Variants in CLCA2 observed in about 807,000 individuals in gnomAD.
CLCA2 encodes chloride channel accessory 2.
In CLCA2, 85 loss-of-function variants were observed where a neutral mutation model predicts 82.9. The ratio of observed to expected loss-of-function variants is 1.03; its 90% CI spans 0.86 to 1.23. The LOEUF is 1.23. Among genes scored for constraint, CLCA2 ranks in the 50% most tolerant of loss-of-function variants. The probability of loss-of-function intolerance (pLI) is 0.00; values close to 1 mark genes in which losing one functional copy is unlikely to be tolerated. For missense variants in CLCA2, 1,089 were observed against 1,124.8 expected, an observed-to-expected ratio of 0.97 and a Z score of 0.45; for synonymous variants, 421 against 391.7, an observed-to-expected ratio of 1.07 and a Z score of -0.88.
intron 13 of CLCA2, among the ~76,000 whole-genome samples, chr1:86,454,410 T>G (rs1393239993): frequency 6.6e-6 from 1 of 152,196 alleles, no homozygotes; most frequent in African/African-American, 2.4e-5. Flanking sequence ...TTTTTTAGAC[T>G]TTATATGCTC....
At chr1:86,442,955 C>A (rs1357331368) in intron 9 of CLCA2, among the ~76,000 whole-genome samples, 1 of 152,080 alleles carries the variant, frequency 6.6e-6, no homozygotes, top group Non-Finnish European at 1.5e-5. Context: ...TAGCATGGGG[C>A]CAGGCATACG....
At chr1:86,434,394 G>C (rs1662557879) in intron 5 of CLCA2, 124 bp from the exon 6 acceptor site, 2 of 728,284 alleles carry the variant, frequency 2.7e-6, no homozygotes, top group East Asian at 5.4e-5. Flanking sequence ...GTATATCACT[G>C]TACCACTTTT....
intron 11 of CLCA2, among the ~76,000 whole-genome samples, chr1:86,450,160 T>C (rs1662933422): frequency 6.6e-6 from 1 of 152,238 alleles, no homozygotes; most frequent in South Asian, 2.1e-4. Context: ...AAAATGTGTA[T>C]ATGTGCATAT....
intron 3 of CLCA2, 137 bp downstream of exon 3, chr1:86,428,705 G>A (rs891643995): frequency 1.5e-5 from 14 of 918,474 alleles, no homozygotes; most frequent in Non-Finnish European, 2.1e-5. Flanking sequence ...TAGGTCATAT[G>A]CCCATGCAAA....
intron 3 of CLCA2, among the ~76,000 whole-genome samples, chr1:86,429,920 C>G (rs1450123306): frequency 1.3e-5 from 2 of 152,062 alleles, no homozygotes; most frequent in East Asian, 3.9e-4. Context: ...CTGATAATCT[C>G]TGCTCAAGCA....
chr1:86,438,919 T>G lies in CLCA2; in HGVS notation c.1016T>G (p.Leu339Trp). The change falls in exon 7 of 14, where the codon TTG becomes TGG. Residue 339 changes from leucine to tryptophan, a missense_variant. Transcript: ENST00000370565. ...LQLQQAAEFY[L>W]MQIVEIHTFV... ...CTACAACAAGCCGCAGAATTTTATTTGATGCAGATTGTTGAAATTCATACC... is the reference window on the plus strand; with the variant it reads ...CTACAACAAGCCGCAGAATTTTATTGGATGCAGATTGTTGAAATTCATACC... The G allele has an allele frequency of 1.2e-6, 2 of 1,614,142 alleles. No homozygotes were observed. Among genetic ancestry groups the G allele is most frequent in the Non-Finnish European group, 1.7e-6 (2 of 1,179,996 alleles).
Position 86,453,605 on chromosome 1 carries a change from A to T in CLCA2, c.2389+3A>T. The T allele has an allele frequency of 6.2e-7, 1 of 1,611,784 alleles. No homozygotes were observed. Among genetic ancestry groups the T allele is most frequent in the Non-Finnish European group, 8.5e-7 (1 of 1,178,596 alleles). ...AGAAGACTTTGATCAGGGCCAGGGTAGGTTTGCTCATTTCATTACCTATTT... is the reference window on the plus strand; with the variant it reads ...AGAAGACTTTGATCAGGGCCAGGGTTGGTTTGCTCATTTCATTACCTATTT... On this transcript the variant is annotated splice_donor_region_variant and intron_variant, in intron 13 of 13. Transcript: ENST00000370565.
chr1:86,431,747 T>C (rs1471502387), intron 4 of CLCA2, among the ~76,000 whole-genome samples: 1 of 152,218 alleles, frequency 6.6e-6, no homozygotes, highest in African/African-American at 2.4e-5. Flanking sequence ...ATGTCCTTCC[T>C]TGGGCTTCCC....
Position 86,440,225 on chromosome 1 carries a change from C to T in CLCA2, c.1281C>T (p.Gly427=), listed in dbSNP as rs1435235021. ...CCAGCGGAGATGATAAGCTTCTTGG[C>T]AATTGCTTACCCACTGTGCTCAGCA... The part of the protein sequence containing the change: ...LVTSGDDKLL[G]NCLPTVLSSG... The change falls in exon 8 of 14, where the codon GGC becomes GGT. Residue 427 remains glycine (G), a synonymous_variant. Transcript: ENST00000370565. 8.1e-6 allele frequency: 13 copies of T among 1,614,102 alleles called. No homozygotes were observed. Among genetic ancestry groups the T allele is most frequent in the East Asian group, 2.2e-5 (1 of 44,872 alleles).
chr1:86,440,086 T>G, intron 7 of CLCA2, 62 bp from the exon 8 acceptor site: 1 of 1,538,216 alleles, frequency 6.5e-7, no homozygotes, highest in Non-Finnish European at 8.9e-7. Flanking sequence ...GAGTGAATTC[T>G]TTTGCTCAAT....
At chr1:86,454,862 C>T (rs1663040932) in intron 13 of CLCA2, among the ~76,000 whole-genome samples, 1 of 147,338 alleles carries the variant, frequency 6.8e-6, no homozygotes, top group South Asian at 2.1e-4. Flanking sequence ...GAAAAAATAA[C>T]ATATTTTGTG....
intron 2 of CLCA2, 28 bp from the exon 3 acceptor site, chr1:86,428,390 G>T (rs761769984): frequency 6.4e-7 from 1 of 1,568,372 alleles, no homozygotes; most frequent in Non-Finnish European, 8.6e-7. Context: ...AGCTGAGAAA[G>T]TATTACAAGG....
At position 86,453,041 on chromosome 1, in the gene CLCA2, C is replaced by T. The variant is rs371807566; in HGVS notation, c.2156-328C>T. On this transcript the variant is annotated intron_variant, in intron 12 of 13. Transcript: ENST00000370565. ...TACAAAAATTAGCTGCACGTGGTGACGGGCACCTGTAATCCCAGCTACTCA... is the reference window on the plus strand; with the variant it reads ...TACAAAAATTAGCTGCACGTGGTGATGGGCACCTGTAATCCCAGCTACTCA... Among the ~76,000 whole-genome samples the T allele has an allele frequency of 1.4e-3, 216 of 152,196 alleles. 1 individual carries two copies. The highest frequency in any genetic ancestry group is 2.7e-3 in the South Asian group (13 of 4,824).
Position 86,455,254 on chromosome 1 carries a change from T to G in CLCA2, c.2559T>G (p.Asn853Lys). The change falls in exon 14 of 14, where the codon AAT becomes AAG. Residue 853 changes from asparagine to lysine, a missense_variant. Asn to Lys is a moderately conservative substitution (Grantham distance 94). Coordinates refer to ENST00000370565, the MANE Select transcript of CLCA2 (RefSeq NM_006536.7). ...ISTNGPEHQP[N>K]GETHESHRIY... ...CGAATGGACCTGAACATCAGCCAAA[T>G]GGAGAAACACATGAAAGCCACAGAA... is the stretch of plus-strand genomic sequence containing the variant. The G allele has an allele frequency of 1.9e-6, 3 of 1,614,114 alleles. No individual in the cohort carries two copies. Among genetic ancestry groups the G allele is most frequent in the Non-Finnish European group, 2.5e-6 (3 of 1,180,008 alleles).
intron 5 of CLCA2, among the ~76,000 whole-genome samples, chr1:86,433,587 C>T (rs916123984): frequency 6.6e-5 from 10 of 152,178 alleles, no homozygotes; most frequent in African/African-American, 1.9e-4. Flanking sequence ...GAAAGACCTA[C>T]TCATAAATAT....
chr1:86,425,167 G>A (rs902468826), intron 1 of CLCA2, among the ~76,000 whole-genome samples, 172 bp from the exon 2 acceptor site: 1 of 152,092 alleles, frequency 6.6e-6, no homozygotes, highest in Non-Finnish European at 1.5e-5. Flanking sequence ...ATCATTTAAA[G>A]TTTTTTTAAA....
Position 86,425,163 on chromosome 1 carries a change from T to A in CLCA2, c.187-176T>A, listed in dbSNP as rs183031368. ...TCCTAAAATCTTCCATATAATCATTTAAAGTTTTTTTAAAAATTTGCTCCT... is the reference window on the plus strand; with the variant it reads ...TCCTAAAATCTTCCATATAATCATTAAAAGTTTTTTTAAAAATTTGCTCCT... On this transcript the variant is annotated intron_variant, in intron 1 of 13. Transcript: ENST00000370565. 1.6e-3 allele frequency among the ~76,000 whole-genome samples: 239 copies of A among 152,334 alleles called. 1 individual carries two copies. The highest frequency in any genetic ancestry group is 2.2e-3 in the Non-Finnish European group (153 of 68,028).
intron 8 of CLCA2, among the ~76,000 whole-genome samples, chr1:86,440,755 G>A (rs1377196726): frequency 6.6e-6 from 1 of 152,034 alleles, no homozygotes; most frequent in Non-Finnish European, 1.5e-5. Flanking sequence ...ACAAAAATTA[G>A]CAGAGCATGG....
chr1:86,448,648 C>A (rs917220757), intron 11 of CLCA2, among the ~76,000 whole-genome samples: 8 of 152,206 alleles, frequency 5.3e-5, no homozygotes, highest in Non-Finnish European at 1.2e-4. Context: ...CAAAGTTAAT[C>A]TTTTTTCAAG....
Sources: gnomAD v4.1 joint callset for allele counts (sites outside exome capture counted in the v4.1 genomes callset) on GRCh38, gnomAD v4.1.1 for gene constraint, MANE v1.5 for transcripts, NCBI Gene and HGNC (gene_info 2026-07-23, HGNC 2026-07-21) for gene names.